The following PIEZO2 variants were observed in gnomAD, a reference collection of about 807,000 sequenced individuals.
PIEZO2 encodes piezo-type mechanosensitive ion channel component 2.
Under a neutral mutation model 337.3 loss-of-function variants are expected in PIEZO2, and 172 were observed. That is an observed-to-expected ratio of 0.51 (90% confidence interval 0.45 to 0.58). The LOEUF (loss-of-function observed/expected upper bound fraction) is 0.58, where lower values mean the gene tolerates loss of function less well. Among genes scored for constraint, PIEZO2 ranks in the 20% least tolerant of loss-of-function variants. PIEZO2 has a pLI of 0.00. For missense variants in PIEZO2, 3,028 were observed against 3,391.3 expected (o/e 0.89, Z 2.66); for synonymous variants, 1,251 against 1,228.5 (o/e 1.02, Z -0.38).
At chr18:10,730,820 G>T (rs1437404752) in intron 36 of PIEZO2, among the ~76,000 whole-genome samples, 1 of 152,038 alleles carries the variant, frequency 6.6e-6, no homozygotes, top group Non-Finnish European at 1.5e-5. Context: ...TCCGCCTCCC[G>T]GGTTCACGCC....
intron 15 of PIEZO2, 146 bp from the exon 16 acceptor site, chr18:10,787,330 T>C (rs532209682): frequency 1.1e-6 from 1 of 912,556 alleles, no homozygotes; most frequent in African/African-American, 1.7e-5. Context: ...GTTTTTAATG[T>C]TCCGTGTCTA....
In PIEZO2 at chr18:10,872,694, C is replaced by T. The variant is rs190067464; in HGVS notation, c.330-1279G>A. ...GATGTGTAGTGCTGTAACCACAGTA[C>T]CTATTACTATTATTAAAGCCACATG... On this transcript the variant is annotated intron_variant, in intron 4 of 55. Coordinates refer to ENST00000674853, the MANE Select transcript of PIEZO2 (RefSeq NM_001378183.1). This position sits in a 1 kb window ranked among gnomAD's most constrained non-coding sequence, Gnocchi z 4.3. 4.5e-3 allele frequency among the ~76,000 whole-genome samples: 685 copies of T among 152,264 alleles called. 4 individuals are homozygous for T. Among genetic ancestry groups the T allele is most frequent in the African/African-American group, 0.016 (656 of 41,540 alleles).
At chr18:10,922,638 G>C (rs2031497454) in intron 3 of PIEZO2, among the ~76,000 whole-genome samples, 1 of 152,082 alleles carries the variant, frequency 6.6e-6, no homozygotes, top group African/African-American at 2.4e-5. Flanking sequence ...TGAGAGCAGA[G>C]GAAACAGAAG....
intron 1 of PIEZO2, among the ~76,000 whole-genome samples, chr18:11,142,013 T>C (rs565180846): frequency 2.0e-5 from 3 of 152,332 alleles, no homozygotes; most frequent in African/African-American, 7.2e-5. Flanking sequence ...AGTTTAAATA[T>C]GTCCATCCAC....
chr18:10,782,175 T>C (rs2039009109), intron 17 of PIEZO2, among the ~76,000 whole-genome samples: 1 of 138,024 alleles, frequency 7.2e-6, no homozygotes, highest in South Asian at 2.1e-4. Flanking sequence ...TATATATTAA[T>C]ATATATCAAT....
In PIEZO2 at chr18:11,148,380, G is replaced by A. The variant is rs914400577; in HGVS notation, c.64+145C>T. The A allele has an allele frequency of 1.1e-6, 1 of 883,878 alleles. No homozygotes were observed. Among genetic ancestry groups the A allele is most frequent in the Admixed American group, 2.2e-5 (1 of 44,490 alleles). The allele number at this position is 883,878 out of a possible 1,614,324, so 54.8% of individuals were successfully genotyped here. On this transcript the variant is annotated intron_variant, in intron 1 of 55. Coordinates refer to ENST00000674853, the MANE Select transcript of PIEZO2 (RefSeq NM_001378183.1). The surrounding 1 kb of genome is among the most constrained non-coding windows in gnomAD (Gnocchi z 5.2). ...GTGGGAAGTGAGAGAGCCAGGCTGT[G>A]CACCAGGGACAGCGCGCGTCTGACG...
At chr18:10,687,912 C>G (rs917713710) in intron 49 of PIEZO2, among the ~76,000 whole-genome samples, 2 of 152,212 alleles carry the variant, frequency 1.3e-5, no homozygotes, top group African/African-American at 4.8e-5. Flanking sequence ...CAAGACTATC[C>G]AGTGGAGCCC....
intron 28 of PIEZO2, among the ~76,000 whole-genome samples, chr18:10,751,402 G>A (rs943255930): frequency 6.6e-6 from 1 of 152,200 alleles, no homozygotes; most frequent in Non-Finnish European, 1.5e-5. Flanking sequence ...CTGTTGTCCT[G>A]TCTCATGCTC....
rs112688506 is a variant in PIEZO2, at chr18:10,862,733, G to C, written c.493-5522C>G. ...TTATGGGAATGAATTCCAGGAAGCT[G>C]TATGATTAAAGTACTCTCTGGGGTG... is the stretch of plus-strand genomic sequence containing the variant. On this transcript the variant is annotated intron_variant, in intron 5 of 55. Coordinates refer to ENST00000674853, the MANE Select transcript of PIEZO2 (RefSeq NM_001378183.1). The surrounding 1 kb of genome is among the most constrained non-coding windows in gnomAD (Gnocchi z 4.4). 1.6e-3 allele frequency among the ~76,000 whole-genome samples: 247 copies of C among 152,348 alleles called. 2 individuals are homozygous for C. Among genetic ancestry groups the C allele is most frequent in the Middle Eastern group, 3.4e-3 (1 of 294 alleles).
chr18:10,934,413 C>A (rs558957294), intron 3 of PIEZO2, among the ~76,000 whole-genome samples: 2 of 152,268 alleles, frequency 1.3e-5, no homozygotes, highest in South Asian at 2.1e-4. Flanking sequence ...CATACTCCTG[C>A]GGCTCTCATG....
intron 3 of PIEZO2, among the ~76,000 whole-genome samples, chr18:10,977,512 C>T (rs1175584644): frequency 6.6e-6 from 1 of 151,990 alleles, no homozygotes; most frequent in Non-Finnish European, 1.5e-5. Context: ...AGCACTGTAT[C>T]ATATAAGATA....
intron 49 of PIEZO2, among the ~76,000 whole-genome samples, chr18:10,684,217 G>C (rs570674217): frequency 7.9e-6 from 1 of 126,282 alleles, no homozygotes; most frequent in Non-Finnish European, 1.6e-5. Flanking sequence ...CCAGGCTGGA[G>C]TGCAGTGGCG....
At chr18:11,007,495 C>G (rs1354230158) in intron 2 of PIEZO2, among the ~76,000 whole-genome samples, 1 of 152,050 alleles carries the variant, frequency 6.6e-6, no homozygotes, top group African/African-American at 2.4e-5. Flanking sequence ...CTCAGCTCTT[C>G]CAGAGATTTA....
Position 11,038,434 on chromosome 18 carries a change from T to G in PIEZO2, c.160+27693A>C, listed in dbSNP as rs1405827517. On this transcript the variant is annotated intron_variant, in intron 2 of 55. Transcript: ENST00000674853. This position sits in a 1 kb window ranked among gnomAD's most constrained non-coding sequence, Gnocchi z 4.1. ...ATGCCAAGTGTAAGCCGGAGGCCCT[T>G]ATTTAAGAATCTCCACCCATTCCAA... Among the ~76,000 whole-genome samples the G allele has an allele frequency of 6.6e-6, 1 of 152,118 alleles. No homozygotes were observed. Among genetic ancestry groups the G allele is most frequent in the Non-Finnish European group, 1.5e-5 (1 of 68,026 alleles).
rs534987436 is a variant in PIEZO2 at position 10,694,932 on chromosome 18, A to T, written c.7190+1142T>A. Among the ~76,000 whole-genome samples the T allele has an allele frequency of 5.9e-5, 9 of 152,312 alleles. No homozygotes were observed. In the South Asian group the frequency reaches 1.9e-3, roughly 32 times the overall value. ...GAGGCTTTCAGAGCCACAGCAGATG[A>T]TGGCAGCTTCACTGGATTAGGTATG... On this transcript the variant is annotated intron_variant, in intron 47 of 55. Coordinates refer to ENST00000674853, the MANE Select transcript of PIEZO2 (RefSeq NM_001378183.1).
intron 30 of PIEZO2, among the ~76,000 whole-genome samples, chr18:10,745,657 G>A (rs988174404): frequency 3.9e-5 from 6 of 152,034 alleles, no homozygotes; most frequent in African/African-American, 1.4e-4. Context: ...CAGGCTGCTC[G>A]GTCTTTTTTA....
chr18:10,712,490 A>G (rs925324700), intron 39 of PIEZO2, among the ~76,000 whole-genome samples: 1 of 152,258 alleles, frequency 6.6e-6, no homozygotes, highest in Non-Finnish European at 1.5e-5. Flanking sequence ...GCTTCTAAAT[A>G]GAACAGTTAT....
chr18:10,773,338 A>G lies in PIEZO2; in HGVS notation c.2785+74T>C. On this transcript the variant is annotated intron_variant, in intron 20 of 55. Coordinates refer to ENST00000674853, the MANE Select transcript of PIEZO2 (RefSeq NM_001378183.1). The surrounding 1 kb of genome is among the most constrained non-coding windows in gnomAD (Gnocchi z 5.3). ...CTGGGTCAAATATATATTCTTTTGG[A>G]GCAAGTCAATGTTTCCTTCACTCAG... The G allele has an allele frequency of 7.1e-7, 1 of 1,412,318 alleles. No individual in the cohort carries two copies. Among genetic ancestry groups the G allele is most frequent in the South Asian group, 1.2e-5 (1 of 80,852 alleles). The allele number at this position is 1,412,318 out of a possible 1,614,324, so 87.5% of individuals were successfully genotyped here.
chr18:10,682,110 C>T lies in PIEZO2; in HGVS notation c.7680G>A (p.Gly2560=). The T allele has an allele frequency of 2.0e-6, 3 of 1,535,568 alleles. No individual in the cohort carries two copies. The highest frequency in any genetic ancestry group is 1.7e-4 in the Middle Eastern group (1 of 5,982). ...GGGTGTGCACAGAGATCACCTGATACCCTCCCAGGGTAATTGTGACGGAGA... is the reference window on the plus strand; with the variant it reads ...GGGTGTGCACAGAGATCACCTGATATCCTCCCAGGGTAATTGTGACGGAGA... The part of the protein sequence containing the change: ...LDVSVTITLG[G]YQPIFTMSAQ... The change falls in exon 50 of 56, where the codon GGG becomes GGA. Residue 2560 remains glycine, a synonymous_variant. Transcript: ENST00000674853. This position sits in a 1 kb window ranked among gnomAD's most constrained non-coding sequence, Gnocchi z 5.6.
Sources: gnomAD v4.1 joint callset for allele counts (sites outside exome capture counted in the v4.1 genomes callset) on GRCh38, gnomAD v4.1.1 for gene constraint, Gnocchi (gnomAD v3.1) non-coding constraint, MANE v1.5 for transcripts, NCBI Gene and HGNC (gene_info 2026-07-23, HGNC 2026-07-21) for gene names.